Variants in CD4 observed in about 807,000 individuals in gnomAD.
The protein encoded by CD4 is T-cell surface glycoprotein CD4.
A neutral mutation model predicts 50.5 loss-of-function variants in CD4; 25 were observed. That is an observed-to-expected ratio of 0.49 (90% CI 0.36 to 0.69). CD4 has a LOEUF of 0.69. Among genes scored for constraint, CD4 ranks in the 30% least tolerant of loss-of-function variants. CD4 has a pLI of 0.00. For synonymous variants in CD4, 207 were observed against 221.9 expected (o/e 0.93, Z 0.60); for missense variants, 456 against 548.5 (o/e 0.83, Z 1.68).
At chr12:6,794,591 C>T (rs1399818311) in intron 1 of CD4, among the ~76,000 whole-genome samples, 16 of 151,978 alleles carry the variant, frequency 1.1e-4, no homozygotes, top group Admixed American at 2.0e-4. Context: ...AGGCTGGTCT[C>T]GTACTCCCGA....
At chr12:6,794,041 T>C (rs1027453571) in intron 1 of CD4, among the ~76,000 whole-genome samples, 6 of 149,606 alleles carry the variant, frequency 4.0e-5, no homozygotes, top group African/African-American at 1.5e-4. Context: ...TCTGTCTATC[T>C]ATCTTTATGT....
At chr12:6,798,449 C>T (rs67417839) in intron 1 of CD4, among the ~76,000 whole-genome samples, 1,097 of 84,172 alleles carry the variant, frequency 0.013, 190 homozygotes, top group African/African-American at 0.042. Context: ...TGGGATTACA[C>T]GTGTGAGGCA....
rs377328068 is a variant in CD4, at chr12:6,819,366, C to T, written c.*37C>T. Reference sequence around the variant, plus strand: ...AGGCAGATCCCACTTGCAGCCTCCCCAGGTGTCTGCCCCGCGTTTCCTGCC... The same window carrying T: ...AGGCAGATCCCACTTGCAGCCTCCCTAGGTGTCTGCCCCGCGTTTCCTGCC... On this transcript the variant is annotated 3_prime_UTR_variant, in exon 10 of 10. Coordinates refer to ENST00000011653, the MANE Select transcript of CD4 (RefSeq NM_000616.5). The T allele has an allele frequency of 2.1e-5, 34 of 1,604,440 alleles. No individual in the cohort carries two copies. The highest frequency in any genetic ancestry group is 2.7e-5 in the Non-Finnish European group (32 of 1,171,322).
intron 1 of CD4, among the ~76,000 whole-genome samples, chr12:6,791,847 A>C (rs1223933942): frequency 6.6e-6 from 1 of 152,130 alleles, no homozygotes; most frequent in Non-Finnish European, 1.5e-5. Flanking sequence ...GTGCCACTGC[A>C]CTCCAGCCTG....
chr12:6,794,142 G>A (rs12320736), intron 1 of CD4, among the ~76,000 whole-genome samples: 101 of 150,074 alleles, frequency 6.7e-4, no homozygotes, highest in Non-Finnish European at 1.2e-3. Flanking sequence ...GCACGATCTC[G>A]GCTCACTGCA....
At chr12:6,800,249 A>C (rs1555115007) in intron 2 of CD4, 58 bp from the exon 3 acceptor site, 1 of 1,612,238 alleles carries the variant, frequency 6.2e-7, no homozygotes. Flanking sequence ...AAGGTGGAGG[A>C]TGGGGTAGAG....
intron 1 of CD4, among the ~76,000 whole-genome samples, chr12:6,791,158 G>C (rs537880611): frequency 6.6e-6 from 1 of 152,358 alleles, no homozygotes; most frequent in Non-Finnish European, 1.5e-5. Flanking sequence ...ACAGAGCTTG[G>C]GGGCAGCCCT....
chr12:6,809,215 G>A (rs929984719), intron 3 of CD4, among the ~76,000 whole-genome samples: 13 of 152,168 alleles, frequency 8.5e-5, no homozygotes, highest in African/African-American at 9.6e-5. Context: ...GTTTTGGGCC[G>A]GGCATGATGT....
chr12:6,811,388 C>T (rs1555116946), intron 3 of CD4, among the ~76,000 whole-genome samples: 1 of 152,082 alleles, frequency 6.6e-6, no homozygotes. Context: ...GAGACACATA[C>T]TTATGCCAGA....
intron 3 of CD4, among the ~76,000 whole-genome samples, chr12:6,802,089 G>A (rs1417504071): frequency 3.3e-5 from 5 of 151,300 alleles, no homozygotes; most frequent in Non-Finnish European, 5.9e-5. Flanking sequence ...GGCCAGGCTG[G>A]TCTTGAACTC....
chr12:6,794,158 C>T (rs186756647), intron 1 of CD4, among the ~76,000 whole-genome samples: 24 of 151,650 alleles, frequency 1.6e-4, no homozygotes, highest in South Asian at 1.5e-3. Context: ...CTGCAACCTC[C>T]GCCTCCCGGG....
rs968552450 is a variant in CD4, at chr12:6,801,126, G to A, written c.214+655G>A. Among the ~76,000 whole-genome samples the A allele has an allele frequency of 8.6e-5, 13 of 150,694 alleles. 1 individual carries two copies. Among genetic ancestry groups the A allele is most frequent in the East Asian group, 2.0e-4 (1 of 5,048 alleles). ...TCACCATGTTGGCCAGGCTGGTCTC[G>A]AACTCATGAGCTCAAGTGATCCACT... On this transcript the variant is annotated intron_variant, in intron 3 of 9. Transcript: ENST00000011653.
intron 3 of CD4, among the ~76,000 whole-genome samples, chr12:6,811,757 C>T (rs895162142): frequency 6.6e-5 from 10 of 151,552 alleles, no homozygotes; most frequent in South Asian, 2.1e-4. Flanking sequence ...AGTGATCCAC[C>T]GCCTTGGCCT....
At position 6,808,158 on chromosome 12, in the gene CD4, T is replaced by C. The variant is rs934617724; in HGVS notation, c.215-5984T>C. ...ATTTTTGTAGTTCAAATGACTAACC[T>C]AAAAAGTGAAGATTGGCCAGGCGCA... On this transcript the variant is annotated intron_variant, in intron 3 of 9. Coordinates refer to ENST00000011653, the MANE Select transcript of CD4 (RefSeq NM_000616.5). Among the ~76,000 whole-genome samples, 10 of 146,356 alleles carry C rather than the reference T, an allele frequency of 6.8e-5. No individual in the cohort carries two copies. The East Asian group carries it at 1.9e-3, about 28-fold the overall frequency.
rs1467927232 is a variant in CD4 at position 6,818,194 on chromosome 12, G to A, written c.1157-227G>A. On this transcript the variant is annotated intron_variant, in intron 7 of 9. Transcript: ENST00000011653. This position sits in a 1 kb window ranked among gnomAD's most constrained non-coding sequence, Gnocchi z 5.0. ...ATGCACTCACACACACAGCCCAGGA[G>A]CCAGACCACAGCTTCTCTCTCTCCA... 1.3e-5 allele frequency among the ~76,000 whole-genome samples: 2 copies of A among 152,076 alleles called. No individual in the cohort carries two copies. The highest frequency in any genetic ancestry group is 4.8e-5 in the African/African-American group (2 of 41,380).
At position 6,818,600 on chromosome 12, in the gene CD4, GGA is replaced by G; in HGVS notation, c.1278+61_1278+62del. 6.2e-7 allele frequency: 1 copy of G among 1,605,958 alleles called. No homozygotes were observed. Among genetic ancestry groups the G allele is most frequent in the Admixed American group, 1.7e-5 (1 of 59,858 alleles). On this transcript the variant is annotated intron_variant, in intron 8 of 9. Transcript: ENST00000011653. This position sits in a 1 kb window ranked among gnomAD's most constrained non-coding sequence, Gnocchi z 5.0. ...CCTCAAACCCCTGAGTCCTCTACCA[GGA>G]GATCCTGTATATGGGAACTGATTTT...
At chr12:6,801,600 G>T (rs568113581) in intron 3 of CD4, among the ~76,000 whole-genome samples, 3 of 150,640 alleles carry the variant, frequency 2.0e-5, no homozygotes, top group African/African-American at 7.3e-5. Flanking sequence ...TCGTTCTGTC[G>T]CCCAGGCTGG....
At chr12:6,790,855 T>G (rs969854228) in intron 1 of CD4, among the ~76,000 whole-genome samples, 1 of 152,256 alleles carries the variant, frequency 6.6e-6, no homozygotes, top group Non-Finnish European at 1.5e-5. Context: ...CTGAGTGGGA[T>G]AGTGCTTCCT....
At chr12:6,798,931 C>G (rs1555114754) in intron 1 of CD4, 3 of 152,270 alleles carry the variant, frequency 2.0e-5, no homozygotes, top group Non-Finnish European at 1.5e-5. Context: ...AGCATCTCAG[C>G]ACGGCCTTCA....
Sources: gnomAD v4.1 joint callset for allele counts (sites outside exome capture counted in the v4.1 genomes callset) on GRCh38, gnomAD v4.1.1 for gene constraint, Gnocchi (gnomAD v3.1) non-coding constraint, MANE v1.5 for transcripts, NCBI Gene and HGNC (gene_info 2026-07-23, HGNC 2026-07-21) for gene names.